Variants in CPED1 observed in about 807,000 individuals in gnomAD.
CPED1 encodes the protein cadherin like and PC-esterase domain containing 1.
In CPED1, 114 loss-of-function variants were observed where a neutral mutation model predicts 128.2. That is an observed-to-expected ratio of 0.89 (90% confidence interval 0.76 to 1.04). CPED1 has a LOEUF of 1.04. Among genes scored for constraint, CPED1 ranks in the 50% least tolerant of loss-of-function variants. The probability of loss-of-function intolerance (pLI) is 0.00; values close to 1 mark genes in which losing one functional copy is unlikely to be tolerated. For synonymous variants in CPED1, 462 were observed against 426.7 expected (o/e 1.08, Z -1.02); for missense variants, 1,211 against 1,207.1 (o/e 1.00, Z -0.05).
At chr7:121,246,826 C>G (rs984233486) in intron 18 of CPED1, among the ~76,000 whole-genome samples, 1 of 152,050 alleles carries the variant, frequency 6.6e-6, no homozygotes, top group African/African-American at 2.4e-5. Context: ...AATAAAAGTC[C>G]GTGCTTAAAT....
intron 16 of CPED1, among the ~76,000 whole-genome samples, chr7:121,156,791 TAAATAAAA>T (rs1292400218): frequency 6.7e-6 from 1 of 149,624 alleles, no homozygotes; most frequent in Non-Finnish European, 1.5e-5. Flanking sequence ...ATATTTTGTC[TAAATAAAA>T]AAATTAAAAA....
intron 2 of CPED1, among the ~76,000 whole-genome samples, chr7:120,996,889 A>G (rs1796415314): frequency 6.6e-6 from 1 of 152,190 alleles, no homozygotes; most frequent in South Asian, 2.1e-4. Flanking sequence ...CCTCTGCTGA[A>G]AGCTTTCAGG....
chr7:121,152,595 A>C (rs1487091044), intron 16 of CPED1, among the ~76,000 whole-genome samples: 1 of 152,236 alleles, frequency 6.6e-6, no homozygotes, highest in East Asian at 1.9e-4. Context: ...TTGAGTTAAT[A>C]TTGTGAAGAT....
chr7:121,187,059 A>G (rs138992733), intron 16 of CPED1, among the ~76,000 whole-genome samples: 224 of 152,344 alleles, frequency 1.5e-3, no homozygotes, highest in African/African-American at 5.2e-3. Context: ...GGGTACCCAC[A>G]AGAATATAAA....
intron 4 of CPED1, among the ~76,000 whole-genome samples, chr7:121,050,233 C>A (rs976813377): frequency 9.2e-5 from 14 of 152,148 alleles, no homozygotes; most frequent in African/African-American, 3.4e-4. Flanking sequence ...GTTATCTATT[C>A]TCTGTACTTA....
intron 16 of CPED1, among the ~76,000 whole-genome samples, chr7:121,234,219 C>T (rs1483083181): frequency 6.6e-6 from 1 of 151,974 alleles, no homozygotes; most frequent in East Asian, 1.9e-4. Flanking sequence ...GCAGTCAGCT[C>T]AGGACTTGAG....
intron 13 of CPED1, 62 bp from the exon 14 acceptor site, chr7:121,135,978 G>A: frequency 1.6e-6 from 2 of 1,251,830 alleles, no homozygotes; most frequent in Non-Finnish European, 2.2e-6. Flanking sequence ...ATAGCTAAAT[G>A]TATATTTTAA....
rs762046137 is a variant in CPED1 at position 121,124,515 on chromosome 7, AAAGC to A, written c.1061+45_1061+48del. ...AATTTAAAAAAAAAAGAAAAGAAAG[AAAGC>A]AACCTATCTTTTAAAAATTGTTGGT... On this transcript the variant is annotated intron_variant, in intron 8 of 22. Coordinates refer to ENST00000310396, the MANE Select transcript of CPED1 (RefSeq NM_024913.5). The A allele has an allele frequency of 2.1e-5, 29 of 1,350,864 alleles. No homozygotes were observed. The African/African-American group carries it at 2.2e-4, about 10-fold the overall frequency. 83.7% of individuals were successfully genotyped at this position (1,350,864 alleles called of 1,614,324 possible).
chr7:121,240,557 T>C (rs925748322), intron 17 of CPED1, among the ~76,000 whole-genome samples: 5 of 151,656 alleles, frequency 3.3e-5, no homozygotes, highest in Admixed American at 6.6e-5. Flanking sequence ...TAACAATCAG[T>C]TTGTGAGTTT....
intron 3 of CPED1, among the ~76,000 whole-genome samples, chr7:121,025,836 A>G (rs1792564395): frequency 6.6e-6 from 1 of 152,148 alleles, no homozygotes; most frequent in South Asian, 2.1e-4. Flanking sequence ...AATCCTATCT[A>G]ATTTGTCTCC....
At chr7:121,022,818 T>C (rs147010592) in intron 3 of CPED1, among the ~76,000 whole-genome samples, 305 of 152,254 alleles carry the variant, frequency 2.0e-3, no homozygotes, top group African/African-American at 7.1e-3. Context: ...CTCTATATTA[T>C]GCTCTGTAGT....
chr7:121,261,528 C>T (rs2116735718), intron 18 of CPED1: 1 of 1,496,816 alleles, frequency 6.7e-7, no homozygotes, highest in East Asian at 2.5e-5. Context: ...GGTATTTGGC[C>T]ATGAGACTGA....
At chr7:120,994,457 G>C (rs550460469) in intron 2 of CPED1, among the ~76,000 whole-genome samples, 1 of 152,232 alleles carries the variant, frequency 6.6e-6, no homozygotes, top group Admixed American at 6.5e-5. Context: ...AAATTAACAC[G>C]GTGATAGGAA....
chr7:121,169,175 C>T (rs909282759), intron 16 of CPED1, among the ~76,000 whole-genome samples: 1 of 152,056 alleles, frequency 6.6e-6, no homozygotes, highest in South Asian at 2.1e-4. Context: ...GGTTCCGAGT[C>T]ACTGTATTTT....
chr7:121,059,274 C>T (rs1026467907), intron 4 of CPED1, among the ~76,000 whole-genome samples: 5 of 152,166 alleles, frequency 3.3e-5, no homozygotes, highest in Admixed American at 3.3e-4. Flanking sequence ...TATTTTAAAG[C>T]ATCCCAGGGA....
chr7:121,248,715 A>G (rs189557545), intron 18 of CPED1, among the ~76,000 whole-genome samples: 1 of 152,280 alleles, frequency 6.6e-6, no homozygotes, highest in East Asian at 1.9e-4. Context: ...CATTTAAAGG[A>G]ACACTAACTC....
intron 18 of CPED1, among the ~76,000 whole-genome samples, chr7:121,262,340 G>A (rs1792038201): frequency 1.3e-5 from 2 of 151,956 alleles, no homozygotes; most frequent in African/African-American, 4.8e-5. Flanking sequence ...ACAGACTAAT[G>A]TAACAATTTT....
At chr7:121,160,156 G>A (rs1471155013) in intron 16 of CPED1, among the ~76,000 whole-genome samples, 1 of 151,410 alleles carries the variant, frequency 6.6e-6, no homozygotes, top group Non-Finnish European at 1.5e-5. Flanking sequence ...TATATAGTAG[G>A]TGTATGTATT....
At chr7:121,026,989 C>T (rs1792607593) in intron 3 of CPED1, among the ~76,000 whole-genome samples, 1 of 148,386 alleles carries the variant, frequency 6.7e-6, no homozygotes, top group Admixed American at 6.8e-5. Flanking sequence ...GCCACCAAGC[C>T]CAGCTAATTT....
Sources: gnomAD v4.1 joint callset for allele counts (sites outside exome capture counted in the v4.1 genomes callset) on GRCh38, gnomAD v4.1.1 for gene constraint, MANE v1.5 for transcripts, NCBI Gene and HGNC (gene_info 2026-07-23, HGNC 2026-07-21) for gene names.